Variants in CASP9 observed in about 807,000 individuals in gnomAD.
CASP9 encodes the protein caspase-9.
Under a neutral mutation model 43.5 loss-of-function variants are expected in CASP9, and 29 were observed. The ratio of observed to expected loss-of-function variants is 0.67; its 90% confidence interval spans 0.50 to 0.91. The LOEUF (loss-of-function observed/expected upper bound fraction) is 0.91. Ranked by LOEUF, CASP9 falls within the 40% of genes least tolerant of loss-of-function variation. The pLI is 0.00. For synonymous variants in CASP9, 206 were observed against 211.9 expected (o/e 0.97, Z 0.24); for missense variants, 575 against 537.4 (o/e 1.07, Z -0.69).
rs775563132 is a variant in CASP9, at chr1:15,493,923, T to A, written c.1127A>T (p.His376Leu). Reference sequence around the variant, plus strand: ...CAGGAGGGACTGCAGGTCTTCAGAGTGAGCCCACTGCTCAAAGATGTCGTC... The same window carrying A: ...CAGGAGGGACTGCAGGTCTTCAGAGAGAGCCCACTGCTCAAAGATGTCGTC... ...TLDDIFEQWA[H>L]SEDLQSLLLR... The change falls in exon 8 of 9, where the codon CAC becomes CTC. Residue 376 changes from histidine to leucine, a missense_variant. His to Leu is a moderately conservative substitution (Grantham distance 99). Coordinates refer to ENST00000333868, the MANE Select transcript of CASP9 (RefSeq NM_001229.5). 1.2e-6 allele frequency: 2 copies of A among 1,602,174 alleles called. No homozygotes were observed. Among genetic ancestry groups the A allele is most frequent in the African/African-American group, 1.3e-5 (1 of 74,628 alleles).
At chr1:15,498,781 G>A (rs1211743761) in intron 6 of CASP9, among the ~76,000 whole-genome samples, 11 of 121,690 alleles carry the variant, frequency 9.0e-5, no homozygotes, top group East Asian at 2.4e-4. Context: ...ACAGAGTCTC[G>A]CTCTGTCATC....
At chr1:15,511,526 C>A (rs1223002507) in intron 2 of CASP9, among the ~76,000 whole-genome samples, 14 of 152,136 alleles carry the variant, frequency 9.2e-5, no homozygotes. Context: ...GCCTCAGCCT[C>A]CCAAGTAGCT....
At chr1:15,493,398 C>T (rs1708965934) in intron 8 of CASP9, 1 of 1,229,700 alleles carries the variant, frequency 8.1e-7, no homozygotes, top group Admixed American at 4.0e-5. Context: ...GAAGCAACTG[C>T]TCTGAGTCGG....
Position 15,492,752 on chromosome 1 carries a change from C to T in CASP9, c.*191G>A. 2 of 728,234 alleles carry T rather than the reference C, an allele frequency of 2.7e-6. No homozygotes were observed. 45.1% of individuals were successfully genotyped at this position (728,234 alleles called of 1,614,324 possible). ...TCCACGGCATTCATCTGTCCCTCTT[C>T]CTCCACTGTTCAGCACTTGTCGTCA... On this transcript the variant is annotated 3_prime_UTR_variant, in exon 9 of 9. Coordinates refer to ENST00000333868, the MANE Select transcript of CASP9 (RefSeq NM_001229.5).
chr1:15,512,084 G>A (rs1709775629), intron 2 of CASP9, among the ~76,000 whole-genome samples: 1 of 152,198 alleles, frequency 6.6e-6, no homozygotes. Flanking sequence ...GGGGCTCAGA[G>A]ACCCTGAGTT....
intron 3 of CASP9, 187 bp downstream of exon 3, chr1:15,507,686 C>T: frequency 4.9e-6 from 3 of 611,110 alleles, no homozygotes; most frequent in Non-Finnish European, 5.8e-6. Context: ...GATGAGGAAG[C>T]GCAGAGATGA....
In CASP9 at chr1:15,497,309, T is replaced by TA. The variant is rs200717519; in HGVS notation, c.869-1858dup. Among the ~76,000 whole-genome samples the TA allele has an allele frequency of 3.4e-3, 345 of 101,710 alleles. 2 individuals carry two copies. Among genetic ancestry groups the TA allele is most frequent in the African/African-American group, 5.9e-3 (158 of 26,648 alleles). The allele number at this position is 101,710 out of a possible 152,430, so 66.7% of individuals were successfully genotyped here. A position where few individuals can be genotyped will look rare whatever the true frequency, so the allele number is the denominator to read the frequency against. On this transcript the variant is annotated intron_variant, in intron 6 of 8. Transcript: ENST00000333868. ...CTGGGCAACAGAGCAGGACTCCATC[T>TA]AAAAAAAAAAAAAAAAAAGAAAGAA...
At chr1:15,518,440 A>G in intron 1 of CASP9, 45 bp from the exon 2 acceptor site, 1 of 1,576,506 alleles carries the variant, frequency 6.3e-7, no homozygotes, top group Non-Finnish European at 8.6e-7. Flanking sequence ...ACGTACTTTT[A>G]TATGGCTCTC....
intron 7 of CASP9, 82 bp from the exon 8 acceptor site, chr1:15,494,083 G>C: frequency 6.6e-7 from 1 of 1,514,118 alleles, no homozygotes; most frequent in Non-Finnish European, 8.8e-7. Context: ...ATGCACGCTG[G>C]CTCGGGCGCC....
chr1:15,508,319 G>T (rs919089264), intron 2 of CASP9, among the ~76,000 whole-genome samples: 4 of 152,222 alleles, frequency 2.6e-5, no homozygotes, highest in Non-Finnish European at 2.9e-5. Context: ...GAGACAGAAA[G>T]AAATTATTTA....
chr1:15,494,025 A>G (rs1473197022), intron 7 of CASP9, 24 bp from the exon 8 acceptor site: 1 of 1,555,848 alleles, frequency 6.4e-7, no homozygotes, highest in East Asian at 2.4e-5. Context: ...AGGGCTGAAC[A>G]CTGCTGGAGA....
chr1:15,522,992 T>C (rs1710268750), intron 1 of CASP9, among the ~76,000 whole-genome samples: 1 of 152,230 alleles, frequency 6.6e-6, no homozygotes, highest in African/African-American at 2.4e-5. Flanking sequence ...ACTCTTTCCC[T>C]GGGCCAGGGC....
intron 5 of CASP9, among the ~76,000 whole-genome samples, chr1:15,505,571 C>T (rs1709485328): frequency 6.6e-6 from 1 of 152,198 alleles, no homozygotes; most frequent in African/African-American, 2.4e-5. Flanking sequence ...AGGGCTTAAT[C>T]ACAGTGACAA....
Position 15,523,926 on chromosome 1 carries a change from C to T in CASP9, c.132+143G>A, listed in dbSNP as rs114731142. 1,769 of 599,714 alleles carry T rather than the reference C, an allele frequency of 2.9e-3. 31 individuals carry two copies. The highest frequency in any genetic ancestry group is 0.029 in the African/African-American group (1,478 of 50,732). The allele number at this position is 599,714 out of a possible 1,614,324, so 37.1% of individuals were successfully genotyped here. The stretch of plus-strand genomic sequence containing the variant: ...TATGGCATGGAATCGCTTTAGCGAA[C>T]ACCCGACTAAGAGGTGTTTGGGATT... On this transcript the variant is annotated intron_variant, in intron 1 of 8. Coordinates refer to ENST00000333868, the MANE Select transcript of CASP9 (RefSeq NM_001229.5).
Position 15,524,161 on chromosome 1 carries a change from G to T in CASP9, c.40C>A (p.Leu14Met). The stretch of plus-strand genomic sequence containing the variant: ...ACCTGCAGCTCTTCCACCAGCCGCA[G>T]CCGGCACCGCCGCAGGAGCCGCCGA... ...ADRRLLRRCR[L>M]RLVEELQVDQ... Residue 14 changes from leucine (L) to methionine (M), a missense_variant, in exon 1 of 9, where the codon CTG becomes ATG. Transcript: ENST00000333868. 6.5e-7 allele frequency: 1 copy of T among 1,539,308 alleles called. No individual in the cohort carries two copies. The highest frequency in any genetic ancestry group is 8.7e-7 in the Non-Finnish European group (1 of 1,146,862).
intron 8 of CASP9, 63 bp downstream of exon 8, chr1:15,493,829 C>T (rs1484843760): frequency 6.5e-7 from 1 of 1,547,606 alleles, no homozygotes; most frequent in Non-Finnish European, 8.7e-7. Flanking sequence ...ATCCCCAGCC[C>T]CAGGAGGACA....
chr1:15,517,408 T>A (rs1262040822), intron 2 of CASP9, among the ~76,000 whole-genome samples: 1 of 152,146 alleles, frequency 6.6e-6, no homozygotes, highest in Non-Finnish European at 1.5e-5. Flanking sequence ...GAACGGTGAT[T>A]ACCTTGGGAA....
In CASP9 at chr1:15,523,987, A is replaced by G. The variant is rs1710325018; in HGVS notation, c.132+82T>C. ...GCTGAGGGGTTTGAAGCCACAGGGA[A>G]GGCTAGGCTCCCGCACAACGCCTCC... On this transcript the variant is annotated intron_variant, in intron 1 of 8. Transcript: ENST00000333868. 4 of 1,072,324 alleles carry G rather than the reference A, an allele frequency of 3.7e-6. No individual in the cohort carries two copies. The South Asian group carries it at 6.3e-5, about 17-fold the overall frequency. The allele number at this position is 1,072,324 out of a possible 1,614,324, so 66.4% of individuals were successfully genotyped here. A position where few individuals can be genotyped will look rare whatever the true frequency, so the allele number is the denominator to read the frequency against.
chr1:15,517,636 G>A (rs4646009), intron 2 of CASP9, among the ~76,000 whole-genome samples: 1 of 152,118 alleles, frequency 6.6e-6, no homozygotes, highest in African/African-American at 2.4e-5. Flanking sequence ...CATCAACAAG[G>A]ATGGGTCTAA....
Sources: allele counts gnomAD v4.1 joint callset (sites outside exome capture counted in the v4.1 genomes callset), GRCh38; gene constraint gnomAD v4.1.1; transcripts MANE v1.5; gene names NCBI Gene and HGNC (gene_info 2026-07-23, HGNC 2026-07-21).